ZNF281: variants seen among roughly 807,000 people sequenced by gnomAD.
The protein encoded by ZNF281 is zinc finger protein 281.
A neutral mutation model predicts 58.8 loss-of-function variants in ZNF281; 2 were observed. The ratio of observed to expected loss-of-function variants is 0.03; its 90% CI spans 0.01 to 0.11. The LOEUF (loss-of-function observed/expected upper bound fraction) is 0.11. ZNF281 is among the 10% of genes least tolerant of loss of function. The probability of loss-of-function intolerance (pLI) is 1.00; values close to 1 mark genes in which losing one functional copy is unlikely to be tolerated. For missense variants in ZNF281, 975 were observed against 1,090.7 expected (o/e 0.89, Z 1.49); for synonymous variants, 465 against 407.7 (o/e 1.14, Z -1.69).
At position 200,409,610 on chromosome 1, in the gene ZNF281, G is replaced by A. The variant is rs1558006417; in HGVS notation, c.96C>T (p.Gly32=). The A allele has an allele frequency of 1.3e-6, 2 of 1,548,446 alleles. No homozygotes were observed. The highest frequency in any genetic ancestry group is 1.7e-6 in the Non-Finnish European group (2 of 1,146,736). ...SGGGGSGGGG[G]GGSSGRRAEM... Reference sequence around the variant, plus strand: ...CTGCCCTCCTGCCGCTGCTGCCGCCGCCGCCGCCGCCGCCACTACCACCGC... The same window carrying A: ...CTGCCCTCCTGCCGCTGCTGCCGCCACCGCCGCCGCCGCCACTACCACCGC... Residue 32 remains glycine, a synonymous_variant, in exon 2 of 2, where the codon GGC becomes GGT. Transcript: ENST00000367353.
rs1654552355 is a variant in ZNF281 at position 200,409,442 on chromosome 1, A to T, written c.264T>A (p.Ala88=). ...CCGGGGCTGGCGGAGGGGGGGGCTC[A>T]GCGGCCGGGGCTGCGGAGGTAGAGG... ...LSSSTSAAPA[A]EPPPPPAPDM... Residue 88 remains alanine (A), a synonymous_variant, in exon 2 of 2, where the codon GCT becomes GCA. Coordinates refer to ENST00000367353, the MANE Select transcript of ZNF281 (RefSeq NM_001281293.2). 2 of 1,523,844 alleles carry T rather than the reference A, an allele frequency of 1.3e-6. No homozygotes were observed. Among genetic ancestry groups the T allele is most frequent in the African/African-American group, 1.4e-5 (1 of 72,002 alleles). The allele number at this position is 1,523,844 out of a possible 1,614,324, so 94.4% of individuals were successfully genotyped here.
In ZNF281 at chr1:200,408,531, G is replaced by A. The variant is rs763624147; in HGVS notation, c.1175C>T (p.Ala392Val). Residue 392 changes from alanine to valine, a missense_variant, in exon 2 of 2, where the codon GCT becomes GTT. By Grantham distance (64) the Ala-to-Val change is moderately conservative. Coordinates refer to ENST00000367353, the MANE Select transcript of ZNF281 (RefSeq NM_001281293.2). ...ACTTGTATTTCCCTGAGACAACACA[G>A]CCAGATTACCCATATTGGTATGGTT... Reference protein sequence around the residue: ...SSNHTNMGNLAVLSQGNTSSS... With the variant: ...SSNHTNMGNLVVLSQGNTSSS... 1 of 1,614,182 alleles carries A rather than the reference G, an allele frequency of 6.2e-7. No homozygotes were observed.
chr1:200,407,819 T>G lies in ZNF281; in HGVS notation c.1887A>C (p.Ala629=), dbSNP rs374180410. ...AGGTGTGTAAATCCACTCGTGGTTC[T>G]GCAATATTGAAAGGATCCTCTTTCT... is the stretch of plus-strand genomic sequence containing the variant. ...ESQKEDPFNI[A]EPRVDLHTSG... The change falls in exon 2 of 2, where the codon GCA becomes GCC. Residue 629 remains alanine (A), a synonymous_variant. Transcript: ENST00000367353. 9.3e-6 allele frequency: 15 copies of G among 1,614,086 alleles called. No homozygotes were observed. The African/African-American group carries it at 2.0e-4, about 22-fold the overall frequency.
At position 200,406,634 on chromosome 1, in the gene ZNF281, T is replaced by C. The variant is rs1033055912; in HGVS notation, c.*384A>G. On this transcript the variant is annotated 3_prime_UTR_variant, in exon 2 of 2. Transcript: ENST00000367353. ...ACAGAATTCCCATGCGTTATTACACTTTCCTGAGAGTAAAGCAATTAGAAT... is the reference window on the plus strand; with the variant it reads ...ACAGAATTCCCATGCGTTATTACACCTTCCTGAGAGTAAAGCAATTAGAAT... 9 of 165,378 alleles carry C rather than the reference T, an allele frequency of 5.4e-5. No homozygotes were observed. Among genetic ancestry groups the C allele is most frequent in the Non-Finnish European group, 1.0e-4 (8 of 77,024 alleles). 10.2% of individuals were successfully genotyped at this position (165,378 alleles called of 1,614,324 possible). A position where few individuals can be genotyped will look rare whatever the true frequency, so the allele number is the denominator to read the frequency against.
chr1:200,409,619 G>GCCGCCA lies in ZNF281; in HGVS notation c.81_86dup (p.Gly33_Gly34dup). The GCCGCCA allele has an allele frequency of 6.5e-7, 1 of 1,548,726 alleles. No homozygotes were observed. Among genetic ancestry groups the GCCGCCA allele is most frequent in the Non-Finnish European group, 8.7e-7 (1 of 1,147,076 alleles). ...TGCCGCTGCTGCCGCCGCCGCCGCC[G>GCCGCCA]CCGCCACTACCACCGCCGCCGGAGC... On this transcript the variant is annotated inframe_insertion, in exon 2 of 2. Coordinates refer to ENST00000367353, the MANE Select transcript of ZNF281 (RefSeq NM_001281293.2).
rs979908274 is a variant in ZNF281 at position 200,405,418 on chromosome 1, G to A, written c.*1600C>T. On this transcript the variant is annotated 3_prime_UTR_variant, in exon 2 of 2. Transcript: ENST00000367353. Reference sequence around the variant, plus strand: ...TACTTTATTATACATGGAAGCCTGCGGTAGGCTGATTACACAATAAGACTG... The same window carrying A: ...TACTTTATTATACATGGAAGCCTGCAGTAGGCTGATTACACAATAAGACTG... 4.6e-5 allele frequency: 7 copies of A among 152,102 alleles called. No individual in the cohort carries two copies. The highest frequency in any genetic ancestry group is 1.2e-4 in the African/African-American group (5 of 41,386). The allele number at this position is 152,102 out of a possible 1,614,324, so 9.4% of individuals were successfully genotyped here. A position where few individuals can be genotyped will look rare whatever the true frequency, so the allele number is the denominator to read the frequency against.
chr1:200,408,072 G>C lies in ZNF281; in HGVS notation c.1634C>G (p.Pro545Arg). 6.2e-7 allele frequency: 1 copy of C among 1,614,096 alleles called. No homozygotes were observed. Among genetic ancestry groups the C allele is most frequent in the Non-Finnish European group, 8.5e-7 (1 of 1,180,006 alleles). ...AAAGGCACTGTTGCTGCTGGCAGTT[G>C]GTAAATATCTTCTTTTCTTTGAAAA... ...MQFSKKRRYL[P>R]TASSNSAFSI... is the part of the protein sequence containing the mutation. Residue 545 changes from proline (P) to arginine (R), a missense_variant, in exon 2 of 2, where the codon CCA becomes CGA. Coordinates refer to ENST00000367353, the MANE Select transcript of ZNF281 (RefSeq NM_001281293.2).
Position 200,409,103 on chromosome 1 carries a change from G to A in ZNF281, c.603C>T (p.Ser201=). The part of the protein sequence containing the change: ...HHRDVLLSSS[S]RTDDHHGTEE... The stretch of plus-strand genomic sequence containing the variant: ...CAGTGCCATGGTGGTCATCAGTCCT[G>A]CTACTGCTGCTGAGTAATACGTCAC... Residue 201 remains serine (S), a synonymous_variant, in exon 2 of 2, where the codon AGC becomes AGT. Coordinates refer to ENST00000367353, the MANE Select transcript of ZNF281 (RefSeq NM_001281293.2). 1 of 1,614,190 alleles carries A rather than the reference G, an allele frequency of 6.2e-7. No individual in the cohort carries two copies. The highest frequency in any genetic ancestry group is 8.5e-7 in the Non-Finnish European group (1 of 1,180,034).
chr1:200,406,014 A>C lies in ZNF281; in HGVS notation c.*1004T>G, dbSNP rs1051916820. 4 of 152,210 alleles carry C rather than the reference A, an allele frequency of 2.6e-5. No homozygotes were observed. The highest frequency in any genetic ancestry group is 9.6e-5 in the African/African-American group (4 of 41,458). 9.4% of individuals were successfully genotyped at this position (152,210 alleles called of 1,614,324 possible). On this transcript the variant is annotated 3_prime_UTR_variant, in exon 2 of 2. Transcript: ENST00000367353. ...TGTTAAAATAGAAAGAGGGAAAAGG[A>C]AGGCCCAAGAACTCTTAAAGAGAGG...
Position 200,407,708 on chromosome 1 carries a change from T to A in ZNF281, c.1998A>T (p.Gln666His). 4 of 1,614,208 alleles carry A rather than the reference T, an allele frequency of 2.5e-6. No individual in the cohort carries two copies. The highest frequency in any genetic ancestry group is 3.4e-6 in the Non-Finnish European group (4 of 1,180,034). The part of the protein sequence containing the change: ...TPSNDKASML[Q>H]EYSKYLQQAF... ...CCTGTTGGAGGTATTTGGAGTATTC[T>A]TGCAACATACTTGCTTTATCATTTG... Residue 666 changes from glutamine (Q) to histidine (H), a missense_variant, in exon 2 of 2, where the codon CAA becomes CAT. Gln to His is a conservative substitution (Grantham distance 24). This residue lies in a region of ZNF281 where 579 missense variants were observed against 608.9 expected (regional missense o/e 0.95). Coordinates refer to ENST00000367353, the MANE Select transcript of ZNF281 (RefSeq NM_001281293.2).
In ZNF281 at chr1:200,409,645, C is replaced by A. The variant is rs548362759; in HGVS notation, c.61G>T (p.Gly21Cys). ...CCGCCACTACCACCGCCGCCGGAGC[C>A]GCTACCACCGCTACTGCCGGTACCT... The part of the protein sequence containing the change: ...GGGTGSSGGS[G>C]SGGGGSGGGG... Residue 21 changes from glycine (G) to cysteine (C), a missense_variant, in exon 2 of 2, where the codon GGC (glycine) becomes TGC (cysteine). Around this residue, in one of 3 missense-constraint regions of ZNF281, gnomAD observed 370 missense variants for 360.9 expected, o/e 1.03. Transcript: ENST00000367353. 1.6e-4 allele frequency: 249 copies of A among 1,553,036 alleles called. No homozygotes were observed. The Middle Eastern group carries it at 2.3e-3, about 14-fold the overall frequency.
rs1654465361 is a variant in ZNF281 at position 200,406,879 on chromosome 1, T to C, written c.*139A>G. ...CAGAGCTAAAATCACGCTAACAAAA[T>C]AAACTAAATATGAAAAGTTGCATTG... is the stretch of plus-strand genomic sequence containing the variant. On this transcript the variant is annotated 3_prime_UTR_variant, in exon 2 of 2. Transcript: ENST00000367353. The C allele has an allele frequency of 1.3e-6, 1 of 763,738 alleles. No individual in the cohort carries two copies. Among genetic ancestry groups the C allele is most frequent in the South Asian group, 2.4e-5 (1 of 41,878 alleles). 47.3% of individuals were successfully genotyped at this position (763,738 alleles called of 1,614,324 possible).
Position 200,409,415 on chromosome 1 carries a change from G to A in ZNF281, c.291C>T (p.Asp97=). The A allele has an allele frequency of 6.6e-7, 1 of 1,522,800 alleles. No individual in the cohort carries two copies. Among genetic ancestry groups the A allele is most frequent in the East Asian group, 2.5e-5 (1 of 40,624 alleles). 94.3% of individuals were successfully genotyped at this position (1,522,800 alleles called of 1,614,324 possible). A position where few individuals can be genotyped will look rare whatever the true frequency, so the allele number is the denominator to read the frequency against. The part of the protein sequence containing the change: ...AAEPPPPPAP[D]MTFKKEPAAS... The stretch of plus-strand genomic sequence containing the variant: ...CCGCCGGCTCCTTCTTGAAAGTCAT[G>A]TCCGGGGCTGGCGGAGGGGGGGGCT... Residue 97 remains aspartate, a synonymous_variant, in exon 2 of 2, where the codon GAC becomes GAT. Transcript: ENST00000367353.
Position 200,409,361 on chromosome 1 carries a change from C to T in ZNF281, c.345G>A (p.Arg115=), listed in dbSNP as rs763660466. 1.0e-5 allele frequency: 16 copies of T among 1,543,228 alleles called. No homozygotes were observed. The highest frequency in any genetic ancestry group is 2.4e-5 in the South Asian group (2 of 83,990). ...AASAAAFPSQ[R]TSWGFLQSLV... is the part of the protein sequence containing the mutation. The stretch of plus-strand genomic sequence containing the variant: ...AAGACTGCAAGAACCCCCAGGAGGT[C>T]CTCTGCGAGGGGAAGGCCGCGGCTG... Residue 115 remains arginine (R), a synonymous_variant, in exon 2 of 2, where the codon AGG becomes AGA. Coordinates refer to ENST00000367353, the MANE Select transcript of ZNF281 (RefSeq NM_001281293.2).
At position 200,409,991 on chromosome 1, in the gene ZNF281, A is replaced by T; in HGVS notation, c.-64T>A. 1.7e-6 allele frequency: 1 copy of T among 579,106 alleles called. No homozygotes were observed. The highest frequency in any genetic ancestry group is 3.0e-5 in the East Asian group (1 of 33,058). 35.9% of individuals were successfully genotyped at this position (579,106 alleles called of 1,614,324 possible). A position where few individuals can be genotyped will look rare whatever the true frequency, so the allele number is the denominator to read the frequency against. ...CCGCCGTCGCCTCCAGTTAATAAAA[A>T]TAACGCCGTCCTCTCCACAATGGAA... is the stretch of plus-strand genomic sequence containing the variant. On this transcript the variant is annotated 5_prime_UTR_variant, in exon 1 of 2. Coordinates refer to ENST00000367353, the MANE Select transcript of ZNF281 (RefSeq NM_001281293.2).
Position 200,407,085 on chromosome 1 carries a change from A to G in ZNF281, c.2621T>C (p.Met874Thr). The G allele has an allele frequency of 5.6e-6, 9 of 1,614,130 alleles. No individual in the cohort carries two copies. The highest frequency in any genetic ancestry group is 2.2e-5 in the East Asian group (1 of 44,886). ...SVSDFSGYTNMMSDVSEPCST... is the reference protein window; with the variant it reads ...SVSDFSGYTNTMSDVSEPCST... ...ACATGGCTCACTTACATCAGACATC[A>G]TATTTGTATACCCTGAGAAATCTGA... Residue 874 changes from methionine to threonine, a missense_variant, in exon 2 of 2, where the codon ATG becomes ACG. Met to Thr is a moderately conservative substitution (Grantham distance 81, BLOSUM62 -1). Coordinates refer to ENST00000367353, the MANE Select transcript of ZNF281 (RefSeq NM_001281293.2).
chr1:200,407,976 T>A lies in ZNF281; in HGVS notation c.1730A>T (p.Asn577Ile). The change falls in exon 2 of 2, where the codon AAT becomes ATT. Residue 577 changes from asparagine (N) to isoleucine (I), a missense_variant. Coordinates refer to ENST00000367353, the MANE Select transcript of ZNF281 (RefSeq NM_001281293.2). ...GTCAATAAGTGACAATGGTGCCTCA[T>A]TGTCCAAAACACTGACACCTGCAGA... ...IQSAGVSVLD[N>I]EAPLSLIDSS... 6.2e-7 allele frequency: 1 copy of A among 1,614,236 alleles called. No individual in the cohort carries two copies. The highest frequency in any genetic ancestry group is 8.5e-7 in the Non-Finnish European group (1 of 1,180,044).
chr1:200,406,810 A>G lies in ZNF281; in HGVS notation c.*208T>C, dbSNP rs2102481944. ...TAAACATTGTCACTTTGAATGTCAA[A>G]CTATTTTTAATCTATTGATTTTGAT... On this transcript the variant is annotated 3_prime_UTR_variant, in exon 2 of 2. Transcript: ENST00000367353. 1 of 459,162 alleles carries G rather than the reference A, an allele frequency of 2.2e-6. No individual in the cohort carries two copies. Among genetic ancestry groups the G allele is most frequent in the African/African-American group, 2.0e-5 (1 of 49,824 alleles). The allele number at this position is 459,162 out of a possible 1,614,324, so 28.4% of individuals were successfully genotyped here. A position where few individuals can be genotyped will look rare whatever the true frequency, so the allele number is the denominator to read the frequency against.
chr1:200,407,719 T>C lies in ZNF281; in HGVS notation c.1987A>G (p.Ser663Gly). 1 of 1,614,178 alleles carries C rather than the reference T, an allele frequency of 6.2e-7. No individual in the cohort carries two copies. The highest frequency in any genetic ancestry group is 2.2e-5 in the East Asian group (1 of 44,890). ...TATTTGGAGTATTCTTGCAACATAC[T>C]TGCTTTATCATTTGAAGGTGTTTGG... The part of the protein sequence containing the change: ...GTQTPSNDKA[S>G]MLQEYSKYLQ... Residue 663 changes from serine (S) to glycine (G), a missense_variant, in exon 2 of 2, where the codon AGT becomes GGT. Coordinates refer to ENST00000367353, the MANE Select transcript of ZNF281 (RefSeq NM_001281293.2).
Sources: gnomAD v4.1 joint callset for allele counts on GRCh38, gnomAD v4.1.1 for gene constraint, gnomAD v4.1.1 regional missense constraint, MANE v1.5 for transcripts, NCBI Gene and HGNC (gene_info 2026-07-23, HGNC 2026-07-21) for gene names.